Variants in NYAP2 observed in about 807,000 individuals in gnomAD.
NYAP2 encodes the protein neuronal tyrosine-phosphorylated phosphoinositide-3-kinase adaptor 2.
NYAP2 carries 23 observed loss-of-function variants against 50.4 expected under a neutral mutation model. The ratio of observed to expected loss-of-function variants is 0.46; its 90% CI spans 0.33 to 0.65. The LOEUF (loss-of-function observed/expected upper bound fraction) is 0.65. NYAP2 is among the 30% of genes least tolerant of loss of function. The pLI is 0.02. For missense variants in NYAP2, 885 were observed against 861.0 expected (o/e 1.03, Z -0.35); for synonymous variants, 394 against 365.2 (o/e 1.08, Z -0.90).
At chr2:225,696,790 T>C in the NYAP2 span, among the ~76,000 whole-genome samples, 1 of 151,944 alleles carries the variant, frequency 6.6e-6, no homozygotes, top group Non-Finnish European at 1.5e-5. Flanking sequence ...TGGGTTCAAA[T>C]CTTGACTCTG....
chr2:225,506,940 A>G (rs1690718104), intron 3 of NYAP2, among the ~76,000 whole-genome samples: 1 of 152,034 alleles, frequency 6.6e-6, no homozygotes, highest in Non-Finnish European at 1.5e-5. Flanking sequence ...AAAAATCCCA[A>G]ATGGTTTGCA....
the NYAP2 span, among the ~76,000 whole-genome samples, chr2:225,697,537 C>A: frequency 2.6e-5 from 4 of 151,906 alleles, no homozygotes; most frequent in Admixed American, 2.0e-4. Flanking sequence ...TATAAATAAA[C>A]CTGTTTAAAA....
chr2:225,408,832 G>C (rs1344024600), intron 2 of NYAP2, 32 bp from the exon 3 acceptor site: 1 of 1,314,672 alleles, frequency 7.6e-7, no homozygotes, highest in African/African-American at 1.5e-5. Context: ...TCCCCACCCT[G>C]GATAAAAGTA....
At chr2:225,688,391 T>C in the NYAP2 span, among the ~76,000 whole-genome samples, 16 of 152,242 alleles carry the variant, frequency 1.1e-4, no homozygotes, top group East Asian at 7.7e-4. Flanking sequence ...ACACTTAGTG[T>C]GATCCATTTG....
intron 5 of NYAP2, among the ~76,000 whole-genome samples, chr2:225,611,034 A>G (rs1692874296): frequency 6.6e-6 from 1 of 152,178 alleles, no homozygotes; most frequent in Non-Finnish European, 1.5e-5. Flanking sequence ...TATGGACTTC[A>G]AGGTTTCAGC....
At chr2:225,464,244 T>G (rs1292686402) in intron 3 of NYAP2, among the ~76,000 whole-genome samples, 1 of 152,208 alleles carries the variant, frequency 6.6e-6, no homozygotes, top group Non-Finnish European at 1.5e-5. Flanking sequence ...CAGTCAAGGC[T>G]GACATCAAGA....
chr2:225,646,912 G>A (rs1693645084), intron 6 of NYAP2, among the ~76,000 whole-genome samples: 1 of 152,144 alleles, frequency 6.6e-6, no homozygotes, highest in African/African-American at 2.4e-5. Flanking sequence ...GTGACATTTG[G>A]AGTTTGCTTG....
intron 3 of NYAP2, among the ~76,000 whole-genome samples, chr2:225,488,787 T>A (rs1162211995): frequency 6.6e-6 from 1 of 152,212 alleles, no homozygotes; most frequent in East Asian, 1.9e-4. Flanking sequence ...GACACTCTTT[T>A]GGGACAGACT....
At chr2:225,505,774 T>TA (rs1690693262) in intron 3 of NYAP2, among the ~76,000 whole-genome samples, 1 of 152,236 alleles carries the variant, frequency 6.6e-6, no homozygotes, top group Non-Finnish European at 1.5e-5. Flanking sequence ...AAATGGAATT[T>TA]AGTAGTTGAT....
chr2:225,462,284 A>G (rs973525062), intron 3 of NYAP2, among the ~76,000 whole-genome samples: 9 of 152,232 alleles, frequency 5.9e-5, no homozygotes. Context: ...AGTCATAAGA[A>G]TGATGAAAAT....
chr2:225,456,642 G>T (rs977505553), intron 3 of NYAP2, among the ~76,000 whole-genome samples: 1 of 152,146 alleles, frequency 6.6e-6, no homozygotes, highest in Non-Finnish European at 1.5e-5. Context: ...TTACAACCAC[G>T]TGTGCTGTCT....
intron 3 of NYAP2, among the ~76,000 whole-genome samples, chr2:225,497,473 A>G (rs1237067216): frequency 6.6e-6 from 1 of 152,200 alleles, no homozygotes; most frequent in Admixed American, 6.5e-5. Flanking sequence ...ATGGACTTCA[A>G]AAATGCCAGG....
chr2:225,559,600 C>T (rs993173235), intron 4 of NYAP2, among the ~76,000 whole-genome samples: 1 of 151,756 alleles, frequency 6.6e-6, no homozygotes, highest in East Asian at 1.9e-4. Context: ...ACCCATGGTT[C>T]GATTTAAACC....
intron 3 of NYAP2, among the ~76,000 whole-genome samples, chr2:225,466,450 A>C (rs73082884): frequency 0.015 from 2,294 of 152,108 alleles, 64 homozygotes; most frequent in African/African-American, 0.053. Context: ...TATTTTAATT[A>C]TTTTCTTTCA....
rs188645765 is a variant in NYAP2, at chr2:225,422,181, A to G, written c.221+13080A>G. ...GAGGAACACATTTTCAAAACATGGT[A>G]CATGGTTCAACAGATTAAATGGGAT... On this transcript the variant is annotated intron_variant, in intron 3 of 6. Coordinates refer to ENST00000636099, the Ensembl canonical transcript of NYAP2. Among the ~76,000 whole-genome samples, 5 of 152,344 alleles carry G rather than the reference A, an allele frequency of 3.3e-5. No individual in the cohort carries two copies. The East Asian group carries it at 9.6e-4, about 29-fold the overall frequency.
Position 225,617,907 on chromosome 2 carries a change from C to A in NYAP2, c.1619-9010C>A, listed in dbSNP as rs141737815. On this transcript the variant is annotated intron_variant, in intron 5 of 6. Transcript: ENST00000636099. ...TGAAGCAGGCATGCAGTTATTCATC[C>A]CATCCCTTCAATTCTCACTGAGGAC... is the stretch of plus-strand genomic sequence containing the variant. Among the ~76,000 whole-genome samples the A allele has an allele frequency of 1.8e-3, 270 of 152,190 alleles. 1 individual carries two copies. The highest frequency in any genetic ancestry group is 2.9e-3 in the Non-Finnish European group (195 of 68,008).
chr2:225,417,865 G>C (rs1016485310), intron 3 of NYAP2, among the ~76,000 whole-genome samples: 1 of 152,038 alleles, frequency 6.6e-6, no homozygotes, highest in Non-Finnish European at 1.5e-5. Context: ...TAGGTGCTTG[G>C]GATAAGATGG....
At chr2:225,528,714 A>G (rs952422356) in intron 4 of NYAP2, among the ~76,000 whole-genome samples, 2 of 152,206 alleles carry the variant, frequency 1.3e-5, no homozygotes, top group Non-Finnish European at 1.5e-5. Context: ...TGTTCTTGAT[A>G]CAGCAAACCC....
chr2:225,638,708 CTTCAGTGTCAAACACCT>C (rs1467914936), intron 6 of NYAP2, among the ~76,000 whole-genome samples: 2 of 152,180 alleles, frequency 1.3e-5, no homozygotes, highest in African/African-American at 4.8e-5. Flanking sequence ...GAAGACAGAG[CTTCAGTGTCAAACACCT>C]TTCCCAGCCA....
Sources: gnomAD v4.1 joint callset for allele counts (sites outside exome capture counted in the v4.1 genomes callset) on GRCh38, gnomAD v4.1.1 for gene constraint, MANE v1.5 for transcripts, NCBI Gene and HGNC (gene_info 2026-07-23, HGNC 2026-07-21) for gene names.